Variants in TNFAIP8 observed in about 807,000 individuals in gnomAD.
TNFAIP8 encodes the protein tumor necrosis factor alpha-induced protein 8.
A neutral mutation model predicts 13.3 loss-of-function variants in TNFAIP8; 7 were observed. The observed-to-expected ratio is 0.52, with a 90% CI of 0.30 to 0.99. The LOEUF (loss-of-function observed/expected upper bound fraction) is 0.99. TNFAIP8 is among the 50% of genes least tolerant of loss of function. The probability of loss-of-function intolerance (pLI) is 0.07; values close to 1 mark genes in which losing one functional copy is unlikely to be tolerated. For synonymous variants in TNFAIP8, 94 were observed against 87.6 expected (o/e 1.07, Z -0.41); for missense variants, 258 against 236.9 (o/e 1.09, Z -0.58).
intron 1 of TNFAIP8, among the ~76,000 whole-genome samples, chr5:119,366,369 C>CT (rs1349380867): frequency 1.3e-5 from 2 of 152,058 alleles, no homozygotes; most frequent in African/African-American, 4.8e-5. Context: ...TCTAGTGCTT[C>CT]TGAGGCAGGA....
chr5:119,355,292 T>TA (rs374954059), upstream of TNFAIP8: 1 of 701,146 alleles, frequency 1.4e-6, no homozygotes, highest in African/African-American at 1.7e-5. Flanking sequence ...CCCTTTGGAG[T>TA]AACTGCAGCA....
chr5:119,286,735 G>A (rs558747984), intron 1 of TNFAIP8, among the ~76,000 whole-genome samples: 70 of 152,240 alleles, frequency 4.6e-4, no homozygotes, highest in Non-Finnish European at 8.8e-4. Flanking sequence ...GCTCTGCCAT[G>A]CCCCAGTCAC....
rs79894500 is a variant in TNFAIP8 at position 119,273,537 on chromosome 5, G to A, written c.1+4630G>A. On this transcript the variant is annotated intron_variant, in intron 1 of 1. Transcript: ENST00000274456. ...ATAAGTGAGCCAGAGCAGGGCATTCGAGTTTTATGTGCCTGAGAACGAAGA... is the reference window on the plus strand; with the variant it reads ...ATAAGTGAGCCAGAGCAGGGCATTCAAGTTTTATGTGCCTGAGAACGAAGA... Among the ~76,000 whole-genome samples the A allele has an allele frequency of 6.6e-3, 1,001 of 152,282 alleles. 12 individuals are homozygous for A. Among genetic ancestry groups the A allele is most frequent in the African/African-American group, 0.023 (935 of 41,546 alleles).
intron 1 of TNFAIP8, among the ~76,000 whole-genome samples, chr5:119,272,301 C>A (rs907528144): frequency 1.3e-5 from 2 of 152,300 alleles, no homozygotes; most frequent in Middle Eastern, 3.4e-3. Flanking sequence ...ACACAGCAGG[C>A]ATTTATTGAG....
At chr5:119,294,329 G>C (rs1281983561) in intron 1 of TNFAIP8, among the ~76,000 whole-genome samples, 4 of 151,924 alleles carry the variant, frequency 2.6e-5, no homozygotes, top group Non-Finnish European at 4.4e-5. Context: ...AGTTTACTGA[G>C]AATGATGATT....
chr5:119,301,661 A>T (rs1444150878), intron 1 of TNFAIP8, among the ~76,000 whole-genome samples: 2 of 152,218 alleles, frequency 1.3e-5, no homozygotes, highest in African/African-American at 4.8e-5. Context: ...TAGAACTGTG[A>T]TTTATGATTT....
In TNFAIP8 at chr5:119,395,541, G is replaced by A. The variant is rs1330748087; in HGVS notation, c.*2160G>A. On this transcript the variant is annotated 3_prime_UTR_variant, in exon 2 of 2. Coordinates refer to ENST00000504771, the MANE Select transcript of TNFAIP8 (RefSeq NM_014350.4). ...TGTGCCAGCAGGCTAGCAATCAAAT[G>A]TGCATGGGATTGGGGGAGCAATGCT... is the stretch of plus-strand genomic sequence containing the variant. 6.6e-6 allele frequency: 1 copy of A among 152,274 alleles called. No individual in the cohort carries two copies. The highest frequency in any genetic ancestry group is 2.4e-5 in the African/African-American group (1 of 41,454). 9.4% of individuals were successfully genotyped at this position (152,274 alleles called of 1,614,324 possible).
intron 1 of TNFAIP8, among the ~76,000 whole-genome samples, chr5:119,322,832 A>G (rs7721976): frequency 0.11 from 17,142 of 152,132 alleles, 2,911 homozygotes; most frequent in African/African-American, 0.37. Flanking sequence ...CCAAACTTAC[A>G]TTCCAGGCCC....
exon 1 of TNFAIP8, chr5:119,268,772 TC>T (rs1274175135): frequency 3.0e-6 from 2 of 672,150 alleles, no homozygotes; most frequent in Non-Finnish European, 5.4e-6. Context: ...TGCCTCCTTT[TC>T]TCCCGCCGGC....
In TNFAIP8 at chr5:119,395,744, C is replaced by T. The variant is rs149670800; in HGVS notation, c.*2363C>T. The T allele has an allele frequency of 6.6e-6, 1 of 152,192 alleles. No individual in the cohort carries two copies. The highest frequency in any genetic ancestry group is 1.5e-5 in the Non-Finnish European group (1 of 68,028). The allele number at this position is 152,192 out of a possible 1,614,324, so 9.4% of individuals were successfully genotyped here. On this transcript the variant is annotated 3_prime_UTR_variant, in exon 2 of 2. Transcript: ENST00000504771. ...CAAGTTCATTTCTAATACAATAGGA[C>T]TCCCCTTGAGCATTTAGGGTGGCAA...
At chr5:119,324,114 A>G (rs1750141534) in intron 1 of TNFAIP8, among the ~76,000 whole-genome samples, 1 of 151,844 alleles carries the variant, frequency 6.6e-6, no homozygotes, top group South Asian at 2.1e-4. Context: ...ATCTCTACCA[A>G]AAATTCAAAA....
chr5:119,358,005 T>G (rs1321168681), intron 1 of TNFAIP8, among the ~76,000 whole-genome samples: 1 of 152,102 alleles, frequency 6.6e-6, no homozygotes, highest in Non-Finnish European at 1.5e-5. Context: ...TCTGGTTAGC[T>G]ACCACCACTC....
chr5:119,365,159 G>A (rs1042951909), intron 1 of TNFAIP8, among the ~76,000 whole-genome samples: 4 of 152,092 alleles, frequency 2.6e-5, no homozygotes, highest in Admixed American at 2.6e-4. Context: ...GCCAAAATCA[G>A]AGAATTTTTA....
chr5:119,310,798 G>C (rs1252448643), intron 1 of TNFAIP8, among the ~76,000 whole-genome samples: 3 of 152,146 alleles, frequency 2.0e-5, no homozygotes. Flanking sequence ...CTGCACTCCA[G>C]CTTGGGTGAC....
chr5:119,292,380 A>T (rs1469266738), intron 1 of TNFAIP8, among the ~76,000 whole-genome samples: 5 of 151,966 alleles, frequency 3.3e-5, no homozygotes, highest in South Asian at 2.1e-4. Flanking sequence ...ATGAACTGTG[A>T]GTATGAGGAA....
intron 1 of TNFAIP8, among the ~76,000 whole-genome samples, chr5:119,297,742 A>C (rs895328353): frequency 3.9e-5 from 6 of 152,150 alleles, no homozygotes; most frequent in African/African-American, 7.2e-5. Flanking sequence ...TGGGAGTCTA[A>C]GTCTCTTTGT....
In TNFAIP8 at chr5:119,392,754, T is replaced by A. The variant is rs1232623032; in HGVS notation, c.32-62T>A. ...AGTGCTCCCAAATACCTGTTTTTAG[T>A]TCGCTTCACTTGCTGATATTTACTA... is the stretch of plus-strand genomic sequence containing the variant. On this transcript the variant is annotated intron_variant, in intron 1 of 1. Coordinates refer to ENST00000504771, the MANE Select transcript of TNFAIP8 (RefSeq NM_014350.4). The A allele has an allele frequency of 3.4e-6, 5 of 1,458,534 alleles. No homozygotes were observed. In the African/African-American group the frequency reaches 5.7e-5, roughly 17 times the overall value. 90.3% of individuals were successfully genotyped at this position (1,458,534 alleles called of 1,614,324 possible).
intron 1 of TNFAIP8, among the ~76,000 whole-genome samples, chr5:119,270,504 C>A (rs754670765): frequency 6.6e-6 from 1 of 152,196 alleles, no homozygotes; most frequent in Non-Finnish European, 1.5e-5. Flanking sequence ...TCAAGTGATC[C>A]TCCTGCCTCA....
chr5:119,379,297 C>G (rs10077888), intron 1 of TNFAIP8, among the ~76,000 whole-genome samples: 115,310 of 152,098 alleles, frequency 0.76, 44,698 homozygotes, highest in African/African-American at 0.94. Flanking sequence ...GCACTTTGAA[C>G]AATACAGAGA....
Sources: gnomAD v4.1 joint callset for allele counts (sites outside exome capture counted in the v4.1 genomes callset) on GRCh38, gnomAD v4.1.1 for gene constraint, MANE v1.5 for transcripts, NCBI Gene and HGNC (gene_info 2026-07-23, HGNC 2026-07-21) for gene names.